The following RBMS1 variants were observed in gnomAD, a reference collection of about 807,000 sequenced individuals.
The protein encoded by RBMS1 is RNA-binding motif, single-stranded-interacting protein 1.
Under a neutral mutation model 62.3 loss-of-function variants are expected in RBMS1, and 17 were observed. That is an observed-to-expected ratio of 0.27 (90% CI 0.19 to 0.41). The LOEUF is 0.41. Among genes scored for constraint, RBMS1 ranks in the 10% least tolerant of loss-of-function variants. The pLI, the probability that RBMS1 is intolerant of heterozygous loss-of-function variation, is 1.00. For missense variants in RBMS1, 334 were observed against 504.5 expected (o/e 0.66, Z 3.24); for synonymous variants, 172 against 170.0 (o/e 1.01, Z -0.09).
At chr2:160,281,028 T>C (rs187470316) in intron 10 of RBMS1, among the ~76,000 whole-genome samples, 86 of 152,284 alleles carry the variant, frequency 5.6e-4, no homozygotes, top group Non-Finnish European at 1.0e-3. Flanking sequence ...ATTAAAAATG[T>C]AGCCTCTCAT....
Position 160,493,473 on chromosome 2 carries a change from G to GGCGGCTGCT in RBMS1, c.-119_-111dup. 4 of 964,564 alleles carry GGCGGCTGCT rather than the reference G, an allele frequency of 4.1e-6. No homozygotes were observed. The highest frequency in any genetic ancestry group is 1.6e-5 in the African/African-American group (1 of 60,618). 59.8% of individuals were successfully genotyped at this position (964,564 alleles called of 1,614,324 possible). ...CGGCGGCGGCAGCGGCGGCGGCGGC[G>GGCGGCTGCT]GCGGCTGCTGCTGCTGCCGCTGCTC... is the stretch of plus-strand genomic sequence containing the variant. On this transcript the variant is annotated 5_prime_UTR_variant, in exon 1 of 14. Coordinates refer to ENST00000348849, the MANE Select transcript of RBMS1 (RefSeq NM_016836.4).
intron 2 of RBMS1, among the ~76,000 whole-genome samples, chr2:160,351,425 CA>C (rs1692503059): frequency 6.6e-6 from 1 of 151,914 alleles, no homozygotes; most frequent in East Asian, 1.9e-4. Context: ...ATTAAGCAGG[CA>C]AAATACAGGT....
chr2:160,470,200 T>A (rs1684861363), intron 1 of RBMS1, among the ~76,000 whole-genome samples: 1 of 152,186 alleles, frequency 6.6e-6, no homozygotes, highest in African/African-American at 2.4e-5. Context: ...ATTATAGAGT[T>A]TTTCGATTGT....
chr2:160,305,272 A>T (rs1254532984), intron 4 of RBMS1, among the ~76,000 whole-genome samples: 1 of 152,214 alleles, frequency 6.6e-6, no homozygotes, highest in Non-Finnish European at 1.5e-5. Context: ...TGACTCATCC[A>T]GAGCAACTTC....
At chr2:160,462,460 T>G (rs1684505647) in intron 1 of RBMS1, among the ~76,000 whole-genome samples, 1 of 151,948 alleles carries the variant, frequency 6.6e-6, no homozygotes, top group African/African-American at 2.4e-5. Flanking sequence ...GCACAGTGAG[T>G]GGTATCTGGG....
rs576119053 is a variant in RBMS1, at chr2:160,444,190, T to C, written c.75+49099A>G. 4.6e-5 allele frequency among the ~76,000 whole-genome samples: 7 copies of C among 152,288 alleles called. No individual in the cohort carries two copies. In the South Asian group the frequency reaches 1.2e-3, roughly 27 times the overall value. ...AAGTGGGAAAATGGAACAACTTCTT[T>C]ACAAATATTATAAAATACATTGTAT... On this transcript the variant is annotated intron_variant, in intron 1 of 13. Transcript: ENST00000348849.
intron 1 of RBMS1, among the ~76,000 whole-genome samples, chr2:160,477,066 T>TTAA (rs2105351810): frequency 6.6e-6 from 1 of 152,368 alleles, no homozygotes; most frequent in East Asian, 1.9e-4. Context: ...GAAATGTCAC[T>TTAA]TAATGCAAGT....
At chr2:160,280,492 G>A (rs773798222) in intron 10 of RBMS1, among the ~76,000 whole-genome samples, 7 of 152,208 alleles carry the variant, frequency 4.6e-5, no homozygotes, top group African/African-American at 9.6e-5. Context: ...AAAGGTATCC[G>A]AAGACAAATT....
At chr2:160,360,173 A>T (rs1693045854) in intron 2 of RBMS1, among the ~76,000 whole-genome samples, 1 of 152,178 alleles carries the variant, frequency 6.6e-6, no homozygotes, top group African/African-American at 2.4e-5. Flanking sequence ...AGATAACAAA[A>T]ATAAAAGCAT....
chr2:160,274,593 T>C lies in RBMS1; in HGVS notation c.*179A>G, dbSNP rs912192574. The C allele has an allele frequency of 4.6e-5, 7 of 152,294 alleles. No individual in the cohort carries two copies. The highest frequency in any genetic ancestry group is 4.6e-4 in the Admixed American group (7 of 15,236). The allele number at this position is 152,294 out of a possible 1,614,324, so 9.4% of individuals were successfully genotyped here. ...CTACTAGATGAATTTAAGGGTTTTA[T>C]GCACCTTATAGAACTTATAGCAAAA... is the stretch of plus-strand genomic sequence containing the variant. On this transcript the variant is annotated 3_prime_UTR_variant, in exon 14 of 14. Coordinates refer to ENST00000348849, the MANE Select transcript of RBMS1 (RefSeq NM_016836.4).
chr2:160,468,262 A>G (rs1411913422), intron 1 of RBMS1, among the ~76,000 whole-genome samples: 2 of 152,256 alleles, frequency 1.3e-5, no homozygotes, highest in Non-Finnish European at 2.9e-5. Flanking sequence ...GGTATCCACT[A>G]CATGAGTAAC....
chr2:160,387,892 C>T (rs1399872297), intron 1 of RBMS1, among the ~76,000 whole-genome samples: 2 of 152,076 alleles, frequency 1.3e-5, no homozygotes, highest in Non-Finnish European at 2.9e-5. Context: ...TCATCTGAAC[C>T]CAGAGGTTTA....
intron 2 of RBMS1, among the ~76,000 whole-genome samples, chr2:160,350,927 A>C (rs1035272840): frequency 6.6e-6 from 1 of 152,142 alleles, no homozygotes; most frequent in Non-Finnish European, 1.5e-5. Flanking sequence ...AGGAATCGCC[A>C]CACTGTCTTC....
intron 10 of RBMS1, chr2:160,279,717 T>C (rs1369025972): frequency 1.3e-5 from 2 of 152,206 alleles, no homozygotes; most frequent in East Asian, 3.8e-4. Context: ...TCACTGTACC[T>C]GGCATCCCTT....
intron 1 of RBMS1, among the ~76,000 whole-genome samples, chr2:160,423,809 CCT>C (rs1168220211): frequency 6.6e-6 from 1 of 151,646 alleles, no homozygotes. Flanking sequence ...GGCCTTCGCT[CCT>C]CTCTCTCTCT....
intron 1 of RBMS1, among the ~76,000 whole-genome samples, chr2:160,418,861 T>C (rs1696306430): frequency 6.6e-6 from 1 of 152,178 alleles, no homozygotes; most frequent in African/African-American, 2.4e-5. Context: ...AAACTACTGA[T>C]ATAGCCAAGC....
intron 1 of RBMS1, among the ~76,000 whole-genome samples, chr2:160,483,872 T>G (rs1266304599): frequency 2.0e-5 from 3 of 151,880 alleles, no homozygotes; most frequent in East Asian, 3.9e-4. Context: ...CTGGCTTTTG[T>G]GCAGCTCTTC....
At chr2:160,424,862 G>A (rs1197220703) in intron 1 of RBMS1, among the ~76,000 whole-genome samples, 2 of 151,864 alleles carry the variant, frequency 1.3e-5, no homozygotes, top group Non-Finnish European at 2.9e-5. Flanking sequence ...AACTAAAAAG[G>A]GGGAAAAAAT....
In RBMS1 at chr2:160,345,851, C is replaced by T. The variant is rs190623286; in HGVS notation, c.251+21365G>A. Among the ~76,000 whole-genome samples the T allele has an allele frequency of 3.7e-3, 569 of 152,108 alleles. 3 individuals carry two copies. The highest frequency in any genetic ancestry group is 0.012 in the African/African-American group (492 of 41,488). On this transcript the variant is annotated intron_variant, in intron 2 of 13. Transcript: ENST00000348849. ...TAGTGGGAACAATCTTTCCTTATAA[C>T]GCTAGATTTAAAACTTAAAGAAGGT...
Sources: allele counts gnomAD v4.1 joint callset (sites outside exome capture counted in the v4.1 genomes callset), GRCh38; gene constraint gnomAD v4.1.1; transcripts MANE v1.5; gene names NCBI Gene and HGNC (gene_info 2026-07-23, HGNC 2026-07-21).